Variants in CBFA2T2 observed in about 807,000 individuals in gnomAD.
CBFA2T2 encodes protein CBFA2T2.
A neutral mutation model predicts 62.2 loss-of-function variants in CBFA2T2; 11 were observed. The ratio of observed to expected loss-of-function variants is 0.18; its 90% CI spans 0.11 to 0.29. The LOEUF (loss-of-function observed/expected upper bound fraction) is 0.29, where lower values mean the gene tolerates loss of function less well. Among genes scored for constraint, CBFA2T2 ranks in the 10% least tolerant of loss-of-function variants. The probability of loss-of-function intolerance (pLI) is 1.00; values close to 1 mark genes in which losing one functional copy is unlikely to be tolerated. For synonymous variants in CBFA2T2, 295 were observed against 287.5 expected, an observed-to-expected ratio of 1.03 and a Z score of -0.27; for missense variants, 592 against 774.1, an observed-to-expected ratio of 0.76 and a Z score of 2.79.
intron 1 of CBFA2T2, among the ~76,000 whole-genome samples, chr20:33,583,564 T>A (rs2014214026): frequency 6.6e-6 from 1 of 152,232 alleles, no homozygotes; most frequent in Admixed American, 6.5e-5. Flanking sequence ...TAAAAAATTA[T>A]CTTGTTTCCA....
chr20:33,582,017 CTTA>C (rs2014139938), intron 1 of CBFA2T2, among the ~76,000 whole-genome samples: 2 of 152,166 alleles, frequency 1.3e-5, no homozygotes, highest in Admixed American at 6.5e-5. Context: ...TTTGATTGTA[CTTA>C]TAAGATTCAG....
intron 1 of CBFA2T2, among the ~76,000 whole-genome samples, chr20:33,571,096 A>T (rs1913366301): frequency 6.6e-6 from 1 of 152,186 alleles, no homozygotes; most frequent in African/African-American, 2.4e-5. Flanking sequence ...TATCTTGGAG[A>T]ATGAATTGAA....
intron 1 of CBFA2T2, among the ~76,000 whole-genome samples, chr20:33,537,397 G>GA (rs2012292799): frequency 1.3e-5 from 2 of 152,240 alleles, no homozygotes; most frequent in South Asian, 4.1e-4. Context: ...TGAGGCAGTA[G>GA]AATCAGGCAG....
At chr20:33,551,861 C>T (rs776477044) in intron 1 of CBFA2T2, among the ~76,000 whole-genome samples, 16 of 152,248 alleles carry the variant, frequency 1.1e-4, no homozygotes, top group Non-Finnish European at 1.9e-4. Flanking sequence ...AATCTTCTAT[C>T]ACTATTAAGT....
rs556426307 is a variant in CBFA2T2, at chr20:33,641,774, G to A, written c.1488+1243G>A. On this transcript the variant is annotated intron_variant, in intron 10 of 10. Coordinates refer to ENST00000342704, the MANE Select transcript of CBFA2T2 (RefSeq NM_001032999.3). ...ATTTTCATATTTTTAATAGAGATGG[G>A]CTTTCGCCATGTTGGCCAGGCTAAT... Among the ~76,000 whole-genome samples, 4 of 152,132 alleles carry A rather than the reference G, an allele frequency of 2.6e-5. No individual in the cohort carries two copies. The South Asian group carries it at 6.2e-4, about 24-fold the overall frequency.
intron 1 of CBFA2T2, among the ~76,000 whole-genome samples, chr20:33,604,396 T>A (rs1186104764): frequency 6.6e-6 from 1 of 152,200 alleles, no homozygotes; most frequent in African/African-American, 2.4e-5. Context: ...AAAGGTGAAA[T>A]GAATTGGTGA....
intron 1 of CBFA2T2, among the ~76,000 whole-genome samples, chr20:33,529,373 C>A (rs1442975354): frequency 6.6e-6 from 1 of 152,104 alleles, no homozygotes; most frequent in Non-Finnish European, 1.5e-5. Flanking sequence ...TCATGTTCTC[C>A]TTTGGTAACC....
intron 1 of CBFA2T2, among the ~76,000 whole-genome samples, chr20:33,549,115 C>T (rs1429918074): frequency 6.6e-6 from 1 of 152,108 alleles, no homozygotes; most frequent in Non-Finnish European, 1.5e-5. Context: ...AAAATCTAAA[C>T]ATGATATTAA....
rs888959470 is a variant in CBFA2T2, at chr20:33,648,706, C to T, written c.*4060C>T. Reference sequence around the variant, plus strand: ...TCTGGAAACAGGACACATCTTGCCACCACAAGTCCACACCTGGCCTTGGCT... The same window carrying T: ...TCTGGAAACAGGACACATCTTGCCATCACAAGTCCACACCTGGCCTTGGCT... On this transcript the variant is annotated 3_prime_UTR_variant, in exon 11 of 11. Coordinates refer to ENST00000342704, the MANE Select transcript of CBFA2T2 (RefSeq NM_001032999.3). 1 of 152,226 alleles carries T rather than the reference C, an allele frequency of 6.6e-6. No individual in the cohort carries two copies. The highest frequency in any genetic ancestry group is 2.4e-5 in the African/African-American group (1 of 41,448). 9.4% of individuals were successfully genotyped at this position (152,226 alleles called of 1,614,324 possible).
intron 1 of CBFA2T2, among the ~76,000 whole-genome samples, chr20:33,600,654 G>A (rs1242738307): frequency 6.6e-6 from 1 of 152,134 alleles, no homozygotes; most frequent in African/African-American, 2.4e-5. Context: ...GCTACCTGGA[G>A]AGCCCATGTA....
At chr20:33,590,417 T>C (rs2014567883) in intron 1 of CBFA2T2, among the ~76,000 whole-genome samples, 1 of 151,884 alleles carries the variant, frequency 6.6e-6, no homozygotes, top group Non-Finnish European at 1.5e-5. Context: ...GTTAAACACA[T>C]CTAGCTTTGT....
chr20:33,623,850 A>G, intron 5 of CBFA2T2: 1 of 717,546 alleles, frequency 1.4e-6, no homozygotes, highest in Non-Finnish European at 2.6e-6. Flanking sequence ...ATGCCTGCAC[A>G]CCCGGTAAGA....
chr20:33,519,375 C>T (rs965042216), intron 1 of CBFA2T2, among the ~76,000 whole-genome samples: 4 of 152,074 alleles, frequency 2.6e-5, no homozygotes, highest in Non-Finnish European at 2.9e-5. Context: ...GAGGCTGAGG[C>T]GGGAGAATCG....
chr20:33,500,438 G>A (rs1447696104), intron 1 of CBFA2T2, among the ~76,000 whole-genome samples: 2 of 151,984 alleles, frequency 1.3e-5, no homozygotes, highest in East Asian at 3.9e-4. Flanking sequence ...GCCAGGCGCG[G>A]TGGCTCACGT....
intron 1 of CBFA2T2, among the ~76,000 whole-genome samples, chr20:33,492,619 A>AT (rs1418176341): frequency 6.6e-6 from 1 of 151,340 alleles, no homozygotes; most frequent in African/African-American, 2.4e-5. Flanking sequence ...GGTTCAAGTG[A>AT]TTCTCCTGCC....
chr20:33,614,041 G>A (rs929938635), intron 3 of CBFA2T2, among the ~76,000 whole-genome samples: 4 of 151,738 alleles, frequency 2.6e-5, no homozygotes, highest in African/African-American at 7.3e-5. Context: ...AAAATTAGCC[G>A]GGCGTGGAGC....
At chr20:33,507,746 C>T (rs917532111) in intron 1 of CBFA2T2, among the ~76,000 whole-genome samples, 1 of 152,198 alleles carries the variant, frequency 6.6e-6, no homozygotes, top group Non-Finnish European at 1.5e-5. Context: ...CCTTTCAATC[C>T]TTTGCTGTTG....
At chr20:33,608,153 G>A (rs2015404505) in intron 2 of CBFA2T2, among the ~76,000 whole-genome samples, 1 of 152,170 alleles carries the variant, frequency 6.6e-6, no homozygotes. Flanking sequence ...ATCACCAAAA[G>A]AACCCCAAAT....
intron 2 of CBFA2T2, 132 bp downstream of exon 2, chr20:33,607,231 A>G: frequency 1.4e-6 from 1 of 723,414 alleles, no homozygotes; most frequent in South Asian, 4.8e-5. Flanking sequence ...ACACAGATAT[A>G]TATTTCTGGT....
Sources: allele counts gnomAD v4.1 joint callset (sites outside exome capture counted in the v4.1 genomes callset), GRCh38; gene constraint gnomAD v4.1.1; transcripts MANE v1.5; gene names NCBI Gene and HGNC (gene_info 2026-07-23, HGNC 2026-07-21).